The following CDH18 variants were observed in gnomAD, a reference collection of about 807,000 sequenced individuals.
CDH18 encodes cadherin 18.
CDH18 carries 31 observed loss-of-function variants against 67.9 expected under a neutral mutation model. That is an observed-to-expected ratio of 0.46 (90% CI 0.34 to 0.62). The LOEUF is 0.62. Ranked by LOEUF, CDH18 falls within the 20% of genes least tolerant of loss-of-function variation. CDH18 has a pLI of 0.01. For missense variants in CDH18, 890 were observed against 975.5 expected, an observed-to-expected ratio of 0.91 and a Z score of 1.17; for synonymous variants, 362 against 347.2, an observed-to-expected ratio of 1.04 and a Z score of -0.48.
chr5:19,584,604 G>C (rs1287983358), intron 7 of CDH18, among the ~76,000 whole-genome samples: 1 of 151,630 alleles, frequency 6.6e-6, no homozygotes, highest in Non-Finnish European at 1.5e-5. Context: ...AAAATTACGT[G>C]AATGCAACAT....
chr5:20,493,918 G>A (rs1328424300), intron 1 of CDH18, among the ~76,000 whole-genome samples: 1 of 151,288 alleles, frequency 6.6e-6, no homozygotes, highest in Non-Finnish European at 1.5e-5. Flanking sequence ...AAAACCCTCT[G>A]TTAAGAAAAC....
chr5:20,420,045 CTT>C (rs1374072614), intron 1 of CDH18, among the ~76,000 whole-genome samples: 1 of 150,980 alleles, frequency 6.6e-6, no homozygotes, highest in Non-Finnish European at 1.5e-5. Context: ...TTTTAGTACT[CTT>C]AGAGTAATGC....
chr5:19,479,186 A>G (rs939451017), intron 12 of CDH18, among the ~76,000 whole-genome samples: 6 of 152,212 alleles, frequency 3.9e-5, no homozygotes, highest in African/African-American at 1.2e-4. Flanking sequence ...GTGGCTTTAG[A>G]TCACACAGTT....
chr5:19,815,732 G>A (rs1037466004), intron 3 of CDH18, among the ~76,000 whole-genome samples: 3 of 151,870 alleles, frequency 2.0e-5, no homozygotes, highest in African/African-American at 7.2e-5. Context: ...CTATGAACAC[G>A]AAGAGGCCTC....
At chr5:20,536,049 A>G (rs571556044) in intron 1 of CDH18, among the ~76,000 whole-genome samples, 1 of 152,316 alleles carries the variant, frequency 6.6e-6, no homozygotes, top group Non-Finnish European at 1.5e-5. Context: ...AATGTTTCAT[A>G]TATTTAGCTT....
intron 1 of CDH18, among the ~76,000 whole-genome samples, chr5:20,317,995 ATTAATGTCATTGAAGATAC>A (rs747899481): frequency 2.0e-5 from 3 of 152,032 alleles, no homozygotes; most frequent in Non-Finnish European, 2.9e-5. Flanking sequence ...AAAGTAGTTT[ATTAATGTCATTGAAGATAC>A]TGGAGTAATG....
intron 3 of CDH18, among the ~76,000 whole-genome samples, chr5:19,798,958 T>C (rs943745802): frequency 1.3e-5 from 2 of 152,228 alleles, no homozygotes; most frequent in Non-Finnish European, 2.9e-5. Context: ...TACATTATTA[T>C]ATATTAATAC....
At chr5:20,342,520 G>A (rs185220146) in intron 1 of CDH18, among the ~76,000 whole-genome samples, 1 of 152,244 alleles carries the variant, frequency 6.6e-6, no homozygotes, top group Admixed American at 6.5e-5. Context: ...AGTCCCGGCA[G>A]GACCCTAGAG....
intron 3 of CDH18, among the ~76,000 whole-genome samples, chr5:19,762,297 G>A (rs1581235605): frequency 6.6e-6 from 1 of 152,222 alleles, no homozygotes; most frequent in African/African-American, 2.4e-5. Context: ...CCATCAGAGT[G>A]AACAGGCAAC....
rs192000583 is a variant in CDH18, at chr5:20,473,240, A to T, written c.-580+102222T>A. The stretch of plus-strand genomic sequence containing the variant: ...TGTTAAAAAACAAAAACAAAAAATT[A>T]AAAAATGCCAAAAATAAAATAAAAG... On this transcript the variant is annotated intron_variant, in intron 1 of 14. Transcript: ENST00000507958. Among the ~76,000 whole-genome samples the T allele has an allele frequency of 4.3e-4, 65 of 152,282 alleles. No individual in the cohort carries two copies. The East Asian group carries it at 0.011, about 25-fold the overall frequency.
intron 1 of CDH18, among the ~76,000 whole-genome samples, chr5:20,488,300 A>C (rs1753336846): frequency 6.6e-6 from 1 of 152,152 alleles, no homozygotes; most frequent in Admixed American, 6.6e-5. Context: ...AAGTACAATC[A>C]AGTTAAAAAT....
intron 1 of CDH18, chr5:20,304,554 G>A: frequency 6.2e-7 from 1 of 1,611,692 alleles, no homozygotes; most frequent in Non-Finnish European, 8.5e-7. Flanking sequence ...ATAAACTGGA[G>A]TTTCCAGGGG....
intron 12 of CDH18, among the ~76,000 whole-genome samples, chr5:19,476,448 A>T (rs1329368274): frequency 2.0e-5 from 3 of 152,014 alleles, no homozygotes; most frequent in African/African-American, 4.8e-5. Flanking sequence ...TTTTGGGGTA[A>T]AAAAGGCTTT....
intron 2 of CDH18, among the ~76,000 whole-genome samples, chr5:20,159,702 T>TG (rs557494069): frequency 5.8e-4 from 88 of 152,280 alleles, no homozygotes; most frequent in African/African-American, 2.1e-3. Flanking sequence ...CTAAAGAGAC[T>TG]GATGGGCATT....
At chr5:20,304,305 A>T in intron 1 of CDH18, 6 of 1,600,388 alleles carry the variant, frequency 3.7e-6, no homozygotes, top group Non-Finnish European at 5.1e-6. Flanking sequence ...GTAGGTTTTA[A>T]ATGCAGAGTA....
intron 2 of CDH18, among the ~76,000 whole-genome samples, chr5:20,095,353 AAGAAAGAAAAG>A (rs1745823694): frequency 6.9e-6 from 1 of 144,680 alleles, no homozygotes; most frequent in African/African-American, 2.6e-5. Context: ...GAAAGAAAGA[AAGAAAGAAAAG>A]ACAGAAGAAA....
rs1581658234 is a variant in CDH18, at chr5:19,854,724, T to C, written c.-256-15482A>G. On this transcript the variant is annotated intron_variant, in intron 2 of 12. Coordinates refer to ENST00000382275, the MANE Select transcript of CDH18 (RefSeq NM_004934.5). Reference sequence around the variant, plus strand: ...CAAGACATTGTTTAAAGATAACAAGTTTCCTAGGAGTGTATAGTAGGCTAC... The same window carrying C: ...CAAGACATTGTTTAAAGATAACAAGCTTCCTAGGAGTGTATAGTAGGCTAC... 3.9e-5 allele frequency among the ~76,000 whole-genome samples: 6 copies of C among 152,172 alleles called. No individual in the cohort carries two copies. The South Asian group carries it at 1.2e-3, about 32-fold the overall frequency.
chr5:20,249,382 CTT>C (rs11395247), intron 2 of CDH18, among the ~76,000 whole-genome samples: 6 of 129,726 alleles, frequency 4.6e-5, no homozygotes, highest in Admixed American at 1.7e-4. Flanking sequence ...TCCTTTAAAA[CTT>C]TTTTTTTTTT....
chr5:19,968,084 A>C (rs1429552654), intron 2 of CDH18, among the ~76,000 whole-genome samples: 4 of 151,394 alleles, frequency 2.6e-5, no homozygotes, highest in African/African-American at 9.8e-5. Flanking sequence ...GTGAACTCCC[A>C]TTCACAATTG....
Sources: allele counts gnomAD v4.1 joint callset (sites outside exome capture counted in the v4.1 genomes callset), GRCh38; gene constraint gnomAD v4.1.1; transcripts MANE v1.5; gene names NCBI Gene and HGNC (gene_info 2026-07-23, HGNC 2026-07-21).